The following GRAMD4 variants were observed in gnomAD, a reference collection of about 807,000 sequenced individuals.
The protein encoded by GRAMD4 is GRAM domain containing 4.
A neutral mutation model predicts 83.9 loss-of-function variants in GRAMD4; 25 were observed. The observed-to-expected ratio is 0.30, with a 90% CI of 0.22 to 0.42. GRAMD4 has a LOEUF of 0.42. GRAMD4 is among the 10% of genes least tolerant of loss of function. GRAMD4 has a pLI of 1.00. For synonymous variants in GRAMD4, 336 were observed against 320.9 expected (o/e 1.05, Z -0.50); for missense variants, 593 against 788.7 (o/e 0.75, Z 2.97).
chr22:46,590,130 T>C (rs963449547), intron 1 of GRAMD4, among the ~76,000 whole-genome samples: 1 of 152,152 alleles, frequency 6.6e-6, no homozygotes, highest in Non-Finnish European at 1.5e-5. Context: ...AGCCTTGGCC[T>C]GGGGGGCCAG....
intron 10 of GRAMD4, among the ~76,000 whole-genome samples, chr22:46,667,120 C>T (rs1464015837): frequency 6.6e-6 from 1 of 152,228 alleles, no homozygotes; most frequent in Non-Finnish European, 1.5e-5. Flanking sequence ...ATTGCCTGGC[C>T]CTGGCCAGGC....
chr22:46,624,644 G>A (rs2081627578), intron 1 of GRAMD4, among the ~76,000 whole-genome samples: 1 of 151,976 alleles, frequency 6.6e-6, no homozygotes, highest in Non-Finnish European at 1.5e-5. Context: ...TTCTTTTAAG[G>A]TTTGTGTGTT....
At chr22:46,629,570 G>A (rs182053737) in intron 2 of GRAMD4, among the ~76,000 whole-genome samples, 28 of 152,178 alleles carry the variant, frequency 1.8e-4, no homozygotes, top group African/African-American at 6.0e-4. Flanking sequence ...TTCTTTACAC[G>A]GGCAGCCTCC....
At chr22:46,619,961 G>T (rs113200826), upstream of GRAMD4, among the ~76,000 whole-genome samples, 1,786 of 152,256 alleles carry the variant, frequency 0.012, 19 homozygotes, top group Non-Finnish European at 0.021. Flanking sequence ...CAGGAGAGCC[G>T]CCAGATAATA....
intron 2 of GRAMD4, among the ~76,000 whole-genome samples, chr22:46,636,101 C>T (rs1462333109): frequency 2.0e-5 from 3 of 152,188 alleles, no homozygotes; most frequent in African/African-American, 7.2e-5. Context: ...GCGGCACCTG[C>T]GTCTTGAGCT....
intron 3 of GRAMD4, among the ~76,000 whole-genome samples, chr22:46,646,953 C>T (rs574797930): frequency 2.6e-5 from 4 of 152,280 alleles, no homozygotes; most frequent in African/African-American, 9.6e-5. Context: ...CCTTATAAAA[C>T]CATCAGATCT....
chr22:46,672,895 C>G lies in GRAMD4; in HGVS notation c.1137C>G (p.Cys379Trp). The G allele has an allele frequency of 6.2e-7, 1 of 1,612,414 alleles. No homozygotes were observed. The highest frequency in any genetic ancestry group is 8.5e-7 in the Non-Finnish European group (1 of 1,179,452). Residue 379 changes from cysteine to tryptophan, a missense_variant, in exon 14 of 19, where the codon TGC becomes TGG. This residue lies in a region of GRAMD4 where 171 missense variants were observed against 199.6 expected (regional missense o/e 0.86). Coordinates refer to ENST00000406902, the MANE Select transcript of GRAMD4 (RefSeq NM_015124.5). The surrounding 1 kb of genome is among the most constrained non-coding windows in gnomAD (Gnocchi z 4.7). ...FFLIDFIFKR[C>W]PRLRAKYDTP... ...TCATTGATTTCATCTTTAAACGCTG[C>G]CCGAGGCTGCGCGCCAAGTACGACA...
At chr22:46,641,510 T>C (rs940302711) in intron 3 of GRAMD4, among the ~76,000 whole-genome samples, 3 of 152,318 alleles carry the variant, frequency 2.0e-5, no homozygotes, top group East Asian at 3.9e-4. Flanking sequence ...CTGTGCTCGG[T>C]GGTGTCTCTC....
At chr22:46,583,683 C>T (rs969523366) in intron 1 of GRAMD4, among the ~76,000 whole-genome samples, 3 of 152,340 alleles carry the variant, frequency 2.0e-5, no homozygotes, top group African/African-American at 4.8e-5. Flanking sequence ...CCTGGCTTAG[C>T]GGGAGGAAGA....
At chr22:46,625,889 G>A (rs904299640) in intron 1 of GRAMD4, among the ~76,000 whole-genome samples, 2 of 152,358 alleles carry the variant, frequency 1.3e-5, no homozygotes, top group Admixed American at 1.3e-4. Flanking sequence ...TGTGAATTAC[G>A]CGTGTCCTGA....
At chr22:46,611,996 C>CAAAAAAAAAA (rs61392000) in intron 1 of GRAMD4, among the ~76,000 whole-genome samples, 12 of 50,154 alleles carry the variant, frequency 2.4e-4, no homozygotes, top group East Asian at 7.7e-4. Flanking sequence ...GACTCCATCT[C>CAAAAAAAAAA]AAAAAAAAAA....
intron 1 of GRAMD4, among the ~76,000 whole-genome samples, chr22:46,612,645 C>T (rs2081429360): frequency 6.6e-6 from 1 of 152,258 alleles, no homozygotes; most frequent in Non-Finnish European, 1.5e-5. Context: ...CCCCTGCTAC[C>T]TCTACCTAAA....
intron 3 of GRAMD4, among the ~76,000 whole-genome samples, chr22:46,654,213 C>G (rs2082208895): frequency 6.6e-6 from 1 of 152,176 alleles, no homozygotes; most frequent in Non-Finnish European, 1.5e-5. Context: ...GCCAAGATGC[C>G]CAGGCTCTCC....
rs1429248608 is a variant in GRAMD4, at chr22:46,642,848, G to A, written c.283+4888G>A. Among the ~76,000 whole-genome samples, 4 of 152,076 alleles carry A rather than the reference G, an allele frequency of 2.6e-5. No individual in the cohort carries two copies. The East Asian group carries it at 5.8e-4, about 22-fold the overall frequency. On this transcript the variant is annotated intron_variant, in intron 3 of 18. Transcript: ENST00000406902. Reference sequence around the variant, plus strand: ...TTTTTCATCCAGTTATTCCCCAAAGGTTAATATTTTACCGCATTTGTCTGT... The same window carrying A: ...TTTTTCATCCAGTTATTCCCCAAAGATTAATATTTTACCGCATTTGTCTGT...
In GRAMD4 at chr22:46,679,697, T is replaced by A. The variant is rs767924575; in HGVS notation, c.*2446T>A. The A allele has an allele frequency of 1.3e-4, 129 of 974,376 alleles. No individual in the cohort carries two copies. The highest frequency in any genetic ancestry group is 1.4e-4 in the Non-Finnish European group (115 of 819,740). 60.4% of individuals were successfully genotyped at this position (974,376 alleles called of 1,614,324 possible). A position where few individuals can be genotyped will look rare whatever the true frequency, so the allele number is the denominator to read the frequency against. On this transcript the variant is annotated 3_prime_UTR_variant, in exon 19 of 19. Transcript: ENST00000406902. ...CGATGAAAAAAATTCTCCTGTAACATTTTTTTAAGAAAACTTTGTTTGTTT... is the reference window on the plus strand; with the variant it reads ...CGATGAAAAAAATTCTCCTGTAACAATTTTTTAAGAAAACTTTGTTTGTTT...
At chr22:46,626,654 C>G in intron 1 of GRAMD4, 97 bp from the exon 2 acceptor site, 1 of 732,316 alleles carries the variant, frequency 1.4e-6, no homozygotes, top group Non-Finnish European at 2.2e-6. Flanking sequence ...TCGGGGTTTT[C>G]TTTGGAAAGC....
At chr22:46,603,513 C>T (rs7287167) in intron 1 of GRAMD4, among the ~76,000 whole-genome samples, 55 of 105,978 alleles carry the variant, frequency 5.2e-4, no homozygotes, top group Admixed American at 8.9e-4. Context: ...CCGGCCTCTT[C>T]TCTTTTTTTT....
chr22:46,640,200 G>A (rs1376664394), intron 3 of GRAMD4, among the ~76,000 whole-genome samples: 1 of 152,206 alleles, frequency 6.6e-6, no homozygotes, highest in African/African-American at 2.4e-5. Context: ...GAGTTGAAGT[G>A]GTTGAATATT....
intron 1 of GRAMD4, among the ~76,000 whole-genome samples, chr22:46,602,142 G>C (rs1206214462): frequency 2.0e-5 from 3 of 152,254 alleles, no homozygotes; most frequent in African/African-American, 7.2e-5. Context: ...ACATGGGTGG[G>C]TCCAGCCTTT....
Sources: gnomAD v4.1 joint callset for allele counts (sites outside exome capture counted in the v4.1 genomes callset) on GRCh38, gnomAD v4.1.1 for gene constraint, gnomAD v4.1.1 regional missense constraint, Gnocchi (gnomAD v3.1) non-coding constraint, MANE v1.5 for transcripts, NCBI Gene and HGNC (gene_info 2026-07-23, HGNC 2026-07-21) for gene names.